Variants in CSMD1 observed in about 807,000 individuals in gnomAD.
CSMD1 encodes CUB and Sushi multiple domains 1.
CSMD1 carries 213 observed loss-of-function variants against 417.5 expected under a neutral mutation model. The ratio of observed to expected loss-of-function variants is 0.51; its 90% confidence interval spans 0.46 to 0.57. The LOEUF is 0.57. CSMD1 is among the 20% of genes least tolerant of loss of function. The pLI is 0.00. For synonymous variants in CSMD1, 2,862 were observed against 1,736.8 expected (o/e 1.65, Z -16.11); for missense variants, 6,923 against 4,529.7 (o/e 1.53, Z -15.17).
intron 25 of CSMD1, among the ~76,000 whole-genome samples, chr8:3,303,843 A>C (rs1169050627): frequency 1.3e-5 from 2 of 152,208 alleles, no homozygotes; most frequent in Non-Finnish European, 2.9e-5. Context: ...TAGACTTTTA[A>C]TTAAATTTGG....
At chr8:4,792,384 G>T (rs946899126) in intron 1 of CSMD1, among the ~76,000 whole-genome samples, 8 of 152,198 alleles carry the variant, frequency 5.3e-5, no homozygotes, top group Admixed American at 5.2e-4. Flanking sequence ...TTCAATTCCA[G>T]AGACATTTCG....
At chr8:3,592,047 G>C (rs1033187823) in intron 8 of CSMD1, among the ~76,000 whole-genome samples, 1 of 152,156 alleles carries the variant, frequency 6.6e-6, no homozygotes, top group Non-Finnish European at 1.5e-5. Flanking sequence ...CAGACGAATA[G>C]ATGGATAGAT....
chr8:3,546,223 G>A (rs1043185997), intron 10 of CSMD1, among the ~76,000 whole-genome samples: 1 of 152,056 alleles, frequency 6.6e-6, no homozygotes, highest in African/African-American at 2.4e-5. Context: ...AAGGTTCTAT[G>A]CAGATAGTGC....
intron 5 of CSMD1, 25 bp from the exon 6 acceptor site, chr8:3,754,067 A>T (rs754437926): frequency 2.0e-6 from 3 of 1,524,726 alleles, no homozygotes; most frequent in South Asian, 1.1e-5. Context: ...GAGGAAAAAA[A>T]TCTCCCTTGT....
At chr8:4,483,926 A>C (rs1185173503) in intron 2 of CSMD1, among the ~76,000 whole-genome samples, 4 of 152,168 alleles carry the variant, frequency 2.6e-5, no homozygotes, top group Non-Finnish European at 5.9e-5. Flanking sequence ...ATCATGGCTC[A>C]CTTTGTTGTA....
intron 3 of CSMD1, among the ~76,000 whole-genome samples, chr8:4,138,348 T>A (rs1191806460): frequency 6.6e-6 from 1 of 151,998 alleles, no homozygotes; most frequent in East Asian, 1.9e-4. Flanking sequence ...GTGGCAAAGC[T>A]GGGGCAAGGA....
At chr8:4,158,885 T>C (rs779232406) in intron 3 of CSMD1, among the ~76,000 whole-genome samples, 1 of 152,198 alleles carries the variant, frequency 6.6e-6, no homozygotes, top group African/African-American at 2.4e-5. Flanking sequence ...TTTACTACTG[T>C]TTCCAGCTGA....
At chr8:4,692,220 T>C (rs963404850) in intron 1 of CSMD1, among the ~76,000 whole-genome samples, 1 of 152,008 alleles carries the variant, frequency 6.6e-6, no homozygotes, top group African/African-American at 2.4e-5. Context: ...CTTACCGACC[T>C]CACTCAAGTC....
At chr8:3,569,769 G>A (rs984036848) in intron 10 of CSMD1, among the ~76,000 whole-genome samples, 1 of 152,190 alleles carries the variant, frequency 6.6e-6, no homozygotes, top group Admixed American at 6.5e-5. Flanking sequence ...AATGGCTGCT[G>A]CTTAATTTGG....
At chr8:4,667,831 T>C (rs1441435564) in intron 1 of CSMD1, among the ~76,000 whole-genome samples, 1 of 152,176 alleles carries the variant, frequency 6.6e-6, no homozygotes, top group African/African-American at 2.4e-5. Context: ...TCCTTCCAAT[T>C]TGTAAACCTT....
chr8:3,955,646 C>G (rs1811890373), intron 5 of CSMD1, among the ~76,000 whole-genome samples: 1 of 152,130 alleles, frequency 6.6e-6, no homozygotes, highest in Non-Finnish European at 1.5e-5. Flanking sequence ...TCACTACTTC[C>G]TCTTTCACCG....
At position 4,754,979 on chromosome 8, in the gene CSMD1, A is replaced by C. The variant is rs189502453; in HGVS notation, c.86-117421T>G. ...TAGTGAAACCCTGTCTCTACTAAAA[A>C]CACAAAAAATCAGCCGGGCATGGTG... On this transcript the variant is annotated intron_variant, in intron 1 of 69. Transcript: ENST00000635120. 6.7e-3 allele frequency among the ~76,000 whole-genome samples: 1,025 copies of C among 152,126 alleles called. 41 individuals carry two copies. Among genetic ancestry groups the C allele is most frequent in the Admixed American group, 0.063 (960 of 15,274 alleles).
chr8:3,533,492 G>C (rs188115454), intron 10 of CSMD1, among the ~76,000 whole-genome samples: 47 of 152,196 alleles, frequency 3.1e-4, no homozygotes, highest in Non-Finnish European at 6.2e-4. Context: ...TATTTGTCCT[G>C]TGAGCAGCTT....
intron 52 of CSMD1, among the ~76,000 whole-genome samples, chr8:3,001,951 G>A (rs560153462): frequency 6.6e-6 from 1 of 152,108 alleles, no homozygotes; most frequent in Non-Finnish European, 1.5e-5. Flanking sequence ...TAGAAACATT[G>A]TGTTCTCCTA....
At chr8:4,510,356 A>T (rs924899243) in intron 2 of CSMD1, among the ~76,000 whole-genome samples, 2 of 127,786 alleles carry the variant, frequency 1.6e-5, no homozygotes, top group Admixed American at 1.8e-4. Context: ...AGGTATTCTT[A>T]TATTTTTTGT....
intron 25 of CSMD1, among the ~76,000 whole-genome samples, chr8:3,307,359 A>C (rs1422947113): frequency 2.0e-5 from 3 of 152,024 alleles, no homozygotes; most frequent in African/African-American, 7.2e-5. Context: ...TGGACTGCTC[A>C]TCCCCAGGCA....
At chr8:3,321,381 C>G (rs1474929374) in intron 23 of CSMD1, among the ~76,000 whole-genome samples, 2 of 152,174 alleles carry the variant, frequency 1.3e-5, no homozygotes, top group Non-Finnish European at 1.5e-5. Context: ...TAAGATCAAG[C>G]TCCCTTACGG....
intron 3 of CSMD1, among the ~76,000 whole-genome samples, chr8:4,127,466 AAAAAAAAAAAAAAG>A (rs1181346152): frequency 1.9e-5 from 2 of 106,484 alleles, no homozygotes; most frequent in Non-Finnish European, 4.3e-5. Context: ...AAAAAAAAAA[AAAAAAAAAAAAAAG>A]AAAATCATAA....
chr8:3,538,485 A>G (rs756094310), intron 10 of CSMD1, among the ~76,000 whole-genome samples: 4 of 152,068 alleles, frequency 2.6e-5, no homozygotes, highest in Non-Finnish European at 5.9e-5. Flanking sequence ...TACACCTGAG[A>G]TGCCTCACCT....
Sources: allele counts gnomAD v4.1 joint callset (sites outside exome capture counted in the v4.1 genomes callset), GRCh38; gene constraint gnomAD v4.1.1; transcripts MANE v1.5; gene names NCBI Gene and HGNC (gene_info 2026-07-23, HGNC 2026-07-21).